The following OXSR1 variants were observed in gnomAD, a reference collection of about 807,000 sequenced individuals.
The protein encoded by OXSR1 is oxidative stress responsive kinase 1, also known as serine/threonine-protein kinase OSR1.
Under a neutral mutation model 79.8 loss-of-function variants are expected in OXSR1, and 24 were observed. The observed-to-expected ratio is 0.30, with a 90% confidence interval of 0.22 to 0.42. The LOEUF (loss-of-function observed/expected upper bound fraction) is 0.42, where lower values mean the gene tolerates loss of function less well. Among genes scored for constraint, OXSR1 ranks in the 10% least tolerant of loss-of-function variants. OXSR1 has a pLI of 1.00. For synonymous variants in OXSR1, 226 were observed against 209.2 expected, an observed-to-expected ratio of 1.08 and a Z score of -0.69; for missense variants, 430 against 618.4, an observed-to-expected ratio of 0.70 and a Z score of 3.23.
chr3:38,184,142 T>A (rs910500032), intron 2 of OXSR1, among the ~76,000 whole-genome samples: 3 of 152,116 alleles, frequency 2.0e-5, no homozygotes, highest in Non-Finnish European at 4.4e-5. Flanking sequence ...TGTCCCAAAT[T>A]GTATTTTATT....
chr3:38,209,774 C>T lies in OXSR1; in HGVS notation c.435-6322C>T, dbSNP rs191866611. Among the ~76,000 whole-genome samples, 11 of 152,162 alleles carry T rather than the reference C, an allele frequency of 7.2e-5. No individual in the cohort carries two copies. In the East Asian group the frequency reaches 2.1e-3, roughly 29 times the overall value. On this transcript the variant is annotated intron_variant, in intron 4 of 17. Coordinates refer to ENST00000311806, the MANE Select transcript of OXSR1 (RefSeq NM_005109.3). ...GAGTAGCTGGGACTACAGGCGCCTG[C>T]CACTACGCCTGGCTAATTTTTTGTA...
intron 10 of OXSR1, among the ~76,000 whole-genome samples, chr3:38,234,548 C>G (rs1440407883): frequency 6.6e-6 from 1 of 152,118 alleles, no homozygotes; most frequent in Non-Finnish European, 1.5e-5. Context: ...AAAGAGATAC[C>G]ACTTCACACC....
Position 38,254,088 on chromosome 3 carries a change from A to G in OXSR1, c.*1197A>G. Reference sequence around the variant, plus strand: ...GTGAGGTTGATTTTTCTTTTTTCCTACCGTTTCATAGTCTTTGTCTAACTG... The same window carrying G: ...GTGAGGTTGATTTTTCTTTTTTCCTGCCGTTTCATAGTCTTTGTCTAACTG... On this transcript the variant is annotated 3_prime_UTR_variant, in exon 18 of 18. Coordinates refer to ENST00000311806, the MANE Select transcript of OXSR1 (RefSeq NM_005109.3). 2.5e-6 allele frequency: 1 copy of G among 398,082 alleles called. No individual in the cohort carries two copies. The highest frequency in any genetic ancestry group is 4.4e-6 in the Non-Finnish European group (1 of 225,594). The allele number at this position is 398,082 out of a possible 1,614,324, so 24.7% of individuals were successfully genotyped here. A position where few individuals can be genotyped will look rare whatever the true frequency, so the allele number is the denominator to read the frequency against.
rs752713664 is a variant in OXSR1 at position 38,250,090 on chromosome 3, C to T, written c.1375+72C>T. On this transcript the variant is annotated intron_variant, in intron 15 of 17. Transcript: ENST00000311806. ...TTCAATGAAATGTGTTGTGAAGTTTCTGTCCTTTGTGAAGTTTTGCTTTTA... is the reference window on the plus strand; with the variant it reads ...TTCAATGAAATGTGTTGTGAAGTTTTTGTCCTTTGTGAAGTTTTGCTTTTA... 3.7e-6 allele frequency: 4 copies of T among 1,073,306 alleles called. No individual in the cohort carries two copies. The Admixed American group carries it at 7.8e-5, about 21-fold the overall frequency. The allele number at this position is 1,073,306 out of a possible 1,614,324, so 66.5% of individuals were successfully genotyped here. A position where few individuals can be genotyped will look rare whatever the true frequency, so the allele number is the denominator to read the frequency against.
In OXSR1 at chr3:38,196,776, A is replaced by G. The variant is rs150080832; in HGVS notation, c.293-1946A>G. On this transcript the variant is annotated intron_variant, in intron 3 of 17. Transcript: ENST00000311806. ...CCAGACTAGAAGTTCCCTTAAAGTTAGCAATCATGTCATGTATATCTTGCC... is the reference window on the plus strand; with the variant it reads ...CCAGACTAGAAGTTCCCTTAAAGTTGGCAATCATGTCATGTATATCTTGCC... 3.2e-4 allele frequency among the ~76,000 whole-genome samples: 48 copies of G among 152,332 alleles called. 1 individual carries two copies. The East Asian group carries it at 8.3e-3, about 26-fold the overall frequency.
At chr3:38,218,408 T>G (rs1017814637) in intron 5 of OXSR1, among the ~76,000 whole-genome samples, 1 of 152,212 alleles carries the variant, frequency 6.6e-6, no homozygotes, top group African/African-American at 2.4e-5. Flanking sequence ...TGTATTTCCC[T>G]ATTGATTAGT....
intron 12 of OXSR1, 71 bp downstream of exon 12, chr3:38,242,849 T>C: frequency 1.0e-6 from 1 of 959,322 alleles, no homozygotes; most frequent in East Asian, 2.6e-5. Context: ...TTCGAAGTGC[T>C]TTTGTTTGTG....
At chr3:38,250,915 G>A (rs1337601085) in intron 15 of OXSR1, among the ~76,000 whole-genome samples, 1 of 152,086 alleles carries the variant, frequency 6.6e-6, no homozygotes, top group Non-Finnish European at 1.5e-5. Context: ...GGGATATTCT[G>A]TCCTCATCTT....
At chr3:38,198,635 G>T in intron 3 of OXSR1, 87 bp from the exon 4 acceptor site, 1 of 930,808 alleles carries the variant, frequency 1.1e-6, no homozygotes. Flanking sequence ...TTTATGAGAA[G>T]GTTCACATGT....
Position 38,181,759 on chromosome 3 carries a change from C to T in OXSR1, c.71-1244C>T, listed in dbSNP as rs564993513. On this transcript the variant is annotated intron_variant, in intron 1 of 17. Coordinates refer to ENST00000311806, the MANE Select transcript of OXSR1 (RefSeq NM_005109.3). Reference sequence around the variant, plus strand: ...ATTTATCTTGGTGTTGGCATCAGTACGATCGTGTGGTCATCTTTTTTCTTT... The same window carrying T: ...ATTTATCTTGGTGTTGGCATCAGTATGATCGTGTGGTCATCTTTTTTCTTT... Among the ~76,000 whole-genome samples the T allele has an allele frequency of 1.8e-4, 28 of 151,802 alleles. No individual in the cohort carries two copies. The South Asian group carries it at 4.6e-3, about 25-fold the overall frequency.
At chr3:38,201,217 T>A (rs1456364682) in intron 4 of OXSR1, among the ~76,000 whole-genome samples, 1 of 152,102 alleles carries the variant, frequency 6.6e-6, no homozygotes, top group East Asian at 1.9e-4. Context: ...AACTTTTGCC[T>A]ATTTTTCTGC....
In OXSR1 at chr3:38,253,515, G is replaced by C. The variant is rs1703301719; in HGVS notation, c.*624G>C. The C allele has an allele frequency of 6.5e-6, 1 of 152,678 alleles. No homozygotes were observed. Among genetic ancestry groups the C allele is most frequent in the Non-Finnish European group, 1.5e-5 (1 of 68,168 alleles). 9.5% of individuals were successfully genotyped at this position (152,678 alleles called of 1,614,324 possible). A position where few individuals can be genotyped will look rare whatever the true frequency, so the allele number is the denominator to read the frequency against. ...GCTCTCAGGCACCCCCTTCTTCATT[G>C]CTCTCTCCAGAAAGGGTTGCTAGCC... On this transcript the variant is annotated 3_prime_UTR_variant, in exon 18 of 18. Coordinates refer to ENST00000311806, the MANE Select transcript of OXSR1 (RefSeq NM_005109.3).
chr3:38,226,663 G>A (rs901397251), intron 8 of OXSR1, among the ~76,000 whole-genome samples: 13 of 151,864 alleles, frequency 8.6e-5, no homozygotes, highest in African/African-American at 2.9e-4. Flanking sequence ...CTCCAAATCC[G>A]TAACTTCGGT....
intron 5 of OXSR1, among the ~76,000 whole-genome samples, chr3:38,216,608 G>C (rs954295240): frequency 6.6e-6 from 1 of 152,090 alleles, no homozygotes; most frequent in Non-Finnish European, 1.5e-5. Context: ...AGAGCTGAAG[G>C]GATAAGAGTT....
intron 12 of OXSR1, among the ~76,000 whole-genome samples, chr3:38,244,639 G>GTC (rs1703099276): frequency 1.6e-5 from 2 of 122,502 alleles, no homozygotes; most frequent in Non-Finnish European, 3.6e-5. Flanking sequence ...ATATTCCTCT[G>GTC]TGTGTGTGTG....
At chr3:38,207,962 T>TCC in intron 4 of OXSR1, among the ~76,000 whole-genome samples, 2 of 137,422 alleles carry the variant, frequency 1.5e-5, no homozygotes, top group African/African-American at 5.4e-5. Context: ...CTTCCTTCCT[T>TCC]TCTTCCTTCC....
At chr3:38,195,310 C>T (rs1233981519) in intron 3 of OXSR1, among the ~76,000 whole-genome samples, 1 of 152,110 alleles carries the variant, frequency 6.6e-6, no homozygotes, top group Admixed American at 6.5e-5. Context: ...TTTAAGGATG[C>T]CCTCAACTTT....
intron 4 of OXSR1, among the ~76,000 whole-genome samples, chr3:38,206,410 G>A (rs1559511792): frequency 6.6e-6 from 1 of 151,518 alleles, no homozygotes; most frequent in Non-Finnish European, 1.5e-5. Flanking sequence ...GATACATTAT[G>A]CAAAGTAGAT....
intron 10 of OXSR1, among the ~76,000 whole-genome samples, chr3:38,232,378 T>TA (rs1702828206): frequency 6.6e-6 from 1 of 152,098 alleles, no homozygotes; most frequent in East Asian, 1.9e-4. Flanking sequence ...ACTGTGATCA[T>TA]ACCACTGTAC....
Sources: gnomAD v4.1 joint callset for allele counts (sites outside exome capture counted in the v4.1 genomes callset) on GRCh38, gnomAD v4.1.1 for gene constraint, MANE v1.5 for transcripts, NCBI Gene and HGNC (gene_info 2026-07-23, HGNC 2026-07-21) for gene names.